SORL1: variants seen among roughly 807,000 people sequenced by gnomAD.
SORL1 encodes the protein sortilin-related receptor.
In SORL1, 127 loss-of-function variants were observed where a neutral mutation model predicts 273.7. The ratio of observed to expected loss-of-function variants is 0.46; its 90% CI spans 0.40 to 0.54. The LOEUF (loss-of-function observed/expected upper bound fraction) is 0.54. Among genes scored for constraint, SORL1 ranks in the 20% least tolerant of loss-of-function variants. The pLI, the probability that SORL1 is intolerant of heterozygous loss-of-function variation, is 0.00. For missense variants in SORL1, 2,494 were observed against 2,846.1 expected (o/e 0.88, Z 2.81); for synonymous variants, 1,031 against 1,067.4 (o/e 0.97, Z 0.66).
At chr11:121,526,350 A>T (rs1306954469) in intron 11 of SORL1, among the ~76,000 whole-genome samples, 2 of 152,324 alleles carry the variant, frequency 1.3e-5, no homozygotes, top group Middle Eastern at 3.4e-3. Flanking sequence ...ATACCAAATT[A>T]TCTTAATTTC....
At chr11:121,455,540 C>G (rs139434823) in intron 1 of SORL1, among the ~76,000 whole-genome samples, 2,058 of 152,344 alleles carry the variant, frequency 0.014, 40 homozygotes, top group African/African-American at 0.047. Flanking sequence ...TTTTCCTCTG[C>G]TTCGCTAATG....
At chr11:121,589,006 A>T (rs1863165347) in intron 28 of SORL1, among the ~76,000 whole-genome samples, 1 of 152,200 alleles carries the variant, frequency 6.6e-6, no homozygotes, top group Non-Finnish European at 1.5e-5. Context: ...AGAGGTTGGG[A>T]CTTAAACACA....
intron 12 of SORL1, among the ~76,000 whole-genome samples, chr11:121,539,380 C>T (rs1355467630): frequency 1.3e-5 from 2 of 152,150 alleles, no homozygotes; most frequent in African/African-American, 4.8e-5. Flanking sequence ...CTTGAAACCA[C>T]CTTTTCTTCA....
intron 1 of SORL1, among the ~76,000 whole-genome samples, chr11:121,460,582 G>C (rs1860982658): frequency 6.6e-6 from 1 of 151,982 alleles, no homozygotes; most frequent in East Asian, 1.9e-4. Context: ...ATTTTTAGTA[G>C]AGATGAGGTT....
At chr11:121,514,083 T>C in intron 7 of SORL1, 69 bp from the exon 8 acceptor site, 1 of 1,493,204 alleles carries the variant, frequency 6.7e-7, no homozygotes, top group Non-Finnish European at 9.2e-7. Flanking sequence ...ATTGCTTCCG[T>C]GTGTATAGTA....
Position 121,550,489 on chromosome 11 carries a change from C to A in SORL1, c.2181-96C>A. 1.0e-6 allele frequency: 1 copy of A among 978,190 alleles called. No individual in the cohort carries two copies. Among genetic ancestry groups the A allele is most frequent in the Non-Finnish European group, 1.6e-6 (1 of 614,536 alleles). The allele number at this position is 978,190 out of a possible 1,614,324, so 60.6% of individuals were successfully genotyped here. On this transcript the variant is annotated intron_variant, in intron 15 of 47. Coordinates refer to ENST00000260197, the MANE Select transcript of SORL1 (RefSeq NM_003105.6). This position sits in a 1 kb window ranked among gnomAD's most constrained non-coding sequence, Gnocchi z 5.3. Reference sequence around the variant, plus strand: ...CTAAAGAGAAATGAGTGGATGGACTCTACTGGCCGTGGGTAGTAAGTGTAT... The same window carrying A: ...CTAAAGAGAAATGAGTGGATGGACTATACTGGCCGTGGGTAGTAAGTGTAT...
chr11:121,475,549 G>T (rs1861252285), intron 2 of SORL1, among the ~76,000 whole-genome samples: 1 of 152,212 alleles, frequency 6.6e-6, no homozygotes, highest in Non-Finnish European at 1.5e-5. Context: ...TCTCAGGAAG[G>T]CTTTCTACTT....
intron 6 of SORL1, among the ~76,000 whole-genome samples, chr11:121,501,408 C>G (rs1009974871): frequency 6.6e-6 from 1 of 152,166 alleles, no homozygotes; most frequent in Admixed American, 6.5e-5. Context: ...AACCACTAAC[C>G]TAGTATCTTT....
intron 11 of SORL1, among the ~76,000 whole-genome samples, chr11:121,529,521 A>ATAG (rs1422917054): frequency 6.6e-6 from 1 of 152,136 alleles, no homozygotes; most frequent in Non-Finnish European, 1.5e-5. Context: ...CCAGCCCTGG[A>ATAG]TAGTACATCT....
intron 3 of SORL1, among the ~76,000 whole-genome samples, chr11:121,483,844 G>A (rs1382223287): frequency 6.6e-6 from 1 of 152,092 alleles, no homozygotes; most frequent in East Asian, 1.9e-4. Flanking sequence ...TAGAGCTAGG[G>A]GAATCAAATG....
intron 3 of SORL1, among the ~76,000 whole-genome samples, chr11:121,483,734 A>G (rs553614414): frequency 1.3e-5 from 2 of 152,330 alleles, no homozygotes; most frequent in East Asian, 3.9e-4. Context: ...CTTAAAAGCC[A>G]GGGTGAAATA....
chr11:121,555,442 C>T (rs1837592877), intron 18 of SORL1, 124 bp downstream of exon 18: 1 of 1,243,772 alleles, frequency 8.0e-7, no homozygotes, highest in Non-Finnish European at 1.1e-6. Context: ...CTGCGAGTTT[C>T]CAGAGAATGG....
intron 20 of SORL1, 77 bp downstream of exon 20, chr11:121,558,914 G>A: frequency 2.6e-6 from 4 of 1,554,060 alleles, no homozygotes; most frequent in Admixed American, 1.9e-5. Context: ...TGCATCCCTG[G>A]GCTTTGCAGA....
rs1860831248 is a variant in SORL1, at chr11:121,452,901, G to A, written c.285+285G>A. 1.1e-5 allele frequency: 4 copies of A among 365,964 alleles called. No homozygotes were observed. In the South Asian group the frequency reaches 3.1e-4, roughly 29 times the overall value. 22.7% of individuals were successfully genotyped at this position (365,964 alleles called of 1,614,324 possible). A position where few individuals can be genotyped will look rare whatever the true frequency, so the allele number is the denominator to read the frequency against. On this transcript the variant is annotated intron_variant, in intron 1 of 47. Transcript: ENST00000260197. The surrounding 1 kb of genome is among the most constrained non-coding windows in gnomAD (Gnocchi z 5.3). The stretch of plus-strand genomic sequence containing the variant: ...GATGTAGTTTCCGGCAGGTATAGGA[G>A]GGGTGCAGCTTCATTTTACATCTGG...
chr11:121,615,386 C>G (rs531996202), intron 41 of SORL1, among the ~76,000 whole-genome samples: 1 of 152,106 alleles, frequency 6.6e-6, no homozygotes, highest in Admixed American at 6.5e-5. Flanking sequence ...CCTTGGTGTC[C>G]TTCCCTCCTC....
intron 14 of SORL1, among the ~76,000 whole-genome samples, chr11:121,549,224 A>G (rs1284035973): frequency 6.6e-6 from 1 of 151,430 alleles, no homozygotes; most frequent in Non-Finnish European, 1.5e-5. Context: ...CCCTAGTCAA[A>G]TTTTTTCTTT....
chr11:121,495,665 G>A (rs1383736494), intron 5 of SORL1, among the ~76,000 whole-genome samples: 1 of 152,136 alleles, frequency 6.6e-6, no homozygotes, highest in African/African-American at 2.4e-5. Flanking sequence ...TGGCCTTGGT[G>A]TTCTTGAGAA....
chr11:121,600,012 C>G (rs1027067484), intron 32 of SORL1, among the ~76,000 whole-genome samples: 2 of 152,090 alleles, frequency 1.3e-5, no homozygotes, highest in African/African-American at 4.8e-5. Flanking sequence ...TTTACAAAGT[C>G]ATTAATGACC....
chr11:121,488,661 C>T (rs1296386335), intron 4 of SORL1, among the ~76,000 whole-genome samples: 4 of 152,118 alleles, frequency 2.6e-5, no homozygotes, highest in Non-Finnish European at 5.9e-5. Flanking sequence ...CCTTCGAGTG[C>T]GTGCGTGTGT....
Sources: gnomAD v4.1 joint callset for allele counts (sites outside exome capture counted in the v4.1 genomes callset) on GRCh38, gnomAD v4.1.1 for gene constraint, Gnocchi (gnomAD v3.1) non-coding constraint, MANE v1.5 for transcripts, NCBI Gene and HGNC (gene_info 2026-07-23, HGNC 2026-07-21) for gene names.